Variants in WDR19 observed in about 807,000 individuals in gnomAD.
The protein encoded by WDR19 is WD repeat-containing protein 19.
Under a neutral mutation model 180.0 loss-of-function variants are expected in WDR19, and 121 were observed. That is an observed-to-expected ratio of 0.67 (90% CI 0.58 to 0.78). The LOEUF (loss-of-function observed/expected upper bound fraction) is 0.78, where lower values mean the gene tolerates loss of function less well. Among genes scored for constraint, WDR19 ranks in the 30% least tolerant of loss-of-function variants. The probability of loss-of-function intolerance (pLI) is 0.00; values close to 1 mark genes in which losing one functional copy is unlikely to be tolerated. For synonymous variants in WDR19, 497 were observed against 540.7 expected, an observed-to-expected ratio of 0.92 and a Z score of 1.12; for missense variants, 1,450 against 1,640.7, an observed-to-expected ratio of 0.88 and a Z score of 2.01.
Position 39,185,726 on chromosome 4 carries a change from CG to C in WDR19, c.8del (p.Arg3LeufsTer6). MK[R>X]IFSLLEKTWL... ...ATTAAAAATTGTGTTTATTTTTTAG[CG>C]TATTTTCTCACTGCTAGAAAAGACT... On this transcript the variant is annotated frameshift_variant and splice_region_variant, in exon 2 of 37. Transcript: ENST00000399820. LOFTEE classifies it high-confidence loss of function. The C allele has an allele frequency of 6.4e-7, 1 of 1,552,930 alleles. No homozygotes were observed. Among genetic ancestry groups the C allele is most frequent in the Non-Finnish European group, 8.7e-7 (1 of 1,147,484 alleles).
At chr4:39,212,983 A>T (rs1358031248) in intron 9 of WDR19, among the ~76,000 whole-genome samples, 1 of 152,242 alleles carries the variant, frequency 6.6e-6, no homozygotes, top group Non-Finnish European at 1.5e-5. Context: ...ACATGAAAAG[A>T]TACTCAACAT....
chr4:39,268,071 C>A lies in WDR19; in HGVS notation c.3338C>A (p.Ala1113Asp). 6.3e-7 allele frequency: 1 copy of A among 1,595,164 alleles called. No individual in the cohort carries two copies. The highest frequency in any genetic ancestry group is 8.5e-7 in the Non-Finnish European group (1 of 1,170,250). ...REAAQTAIII[A>D]REEQSAGNYR... ...GCTGCCCAGACTGCCATCATCATTG[C>A]CAGAGAAGAGCAGTCTGCAGGTAGG... The change falls in exon 30 of 37, where the codon GCC (alanine) becomes GAC (aspartate). Residue 1113 changes from alanine to aspartate, a missense_variant. Physicochemically the swap from Ala to Asp is moderately radical, Grantham distance 126. Transcript: ENST00000399820.
chr4:39,205,840 T>G, intron 9 of WDR19, 104 bp downstream of exon 9: 1 of 1,114,372 alleles, frequency 9.0e-7, no homozygotes, highest in South Asian at 1.9e-5. Context: ...ATGTTTACAA[T>G]TTAAAACGTC....
intron 20 of WDR19, among the ~76,000 whole-genome samples, chr4:39,235,574 G>A (rs1170653665): frequency 6.6e-6 from 1 of 151,998 alleles, no homozygotes; most frequent in Admixed American, 6.6e-5. Flanking sequence ...AAAACACCAA[G>A]GTTTCATCTA....
intron 28 of WDR19, 103 bp from the exon 29 acceptor site, chr4:39,265,960 A>T (rs1441076697): frequency 1.1e-6 from 1 of 941,562 alleles, no homozygotes; most frequent in East Asian, 2.7e-5. Context: ...AGATACTATT[A>T]ATGTTTTTTA....
rs1731209125 is a variant in WDR19, at chr4:39,234,752, T to G, written c.2254-14T>G. ...TTTGCTCATTTGAAATTAAGGTCTT[T>G]CTCTTCTTAACAGATGAGAAGGGAT... is the stretch of plus-strand genomic sequence containing the variant. On this transcript the variant is annotated splice_polypyrimidine_tract_variant and intron_variant, in intron 19 of 36. Transcript: ENST00000399820. 6.5e-7 allele frequency: 1 copy of G among 1,547,544 alleles called. No homozygotes were observed. The highest frequency in any genetic ancestry group is 8.8e-7 in the Non-Finnish European group (1 of 1,139,070).
In WDR19 at chr4:39,278,132, G is replaced by A; in HGVS notation, c.3842G>A (p.Gly1281Asp). Residue 1281 changes from glycine (G) to aspartate (D), a missense_variant and splice_region_variant, in exon 35 of 37, where the codon GGT becomes GAT. Transcript: ENST00000399820. ...AACTCTTAAACATCCTGTTTCCAGGGTCGACACATGTTGAAAGATGACTGG... is the reference window on the plus strand; with the variant it reads ...AACTCTTAAACATCCTGTTTCCAGGATCGACACATGTTGAAAGATGACTGG... ...KNSIPYCIAT[G>D]RHMLKDDWTV... 1.2e-6 allele frequency: 2 copies of A among 1,601,148 alleles called. No individual in the cohort carries two copies. The highest frequency in any genetic ancestry group is 1.7e-6 in the Non-Finnish European group (2 of 1,173,428).
chr4:39,274,433 A>G, intron 32 of WDR19: 1 of 172,282 alleles, frequency 5.8e-6, no homozygotes, highest in East Asian at 1.5e-4. Context: ...TGAAGAAAGA[A>G]TTTGATGCCT....
intron 9 of WDR19, among the ~76,000 whole-genome samples, chr4:39,210,463 A>G (rs1728374174): frequency 6.6e-6 from 1 of 152,216 alleles, no homozygotes; most frequent in Non-Finnish European, 1.5e-5. Flanking sequence ...CAGGAGGATC[A>G]CCTGAAGCTA....
intron 5 of WDR19, among the ~76,000 whole-genome samples, chr4:39,195,753 G>T (rs934747326): frequency 6.6e-6 from 1 of 152,172 alleles, no homozygotes; most frequent in Non-Finnish European, 1.5e-5. Flanking sequence ...GGAGATCATG[G>T]CACCCACAGA....
intron 25 of WDR19, among the ~76,000 whole-genome samples, 184 bp downstream of exon 25, chr4:39,253,476 G>A (rs1375486365): frequency 6.6e-6 from 1 of 152,052 alleles, no homozygotes; most frequent in Non-Finnish European, 1.5e-5. Context: ...TCAAGTGTAA[G>A]CATATAATAT....
At chr4:39,209,384 A>G (rs1256840843) in intron 9 of WDR19, among the ~76,000 whole-genome samples, 1 of 152,214 alleles carries the variant, frequency 6.6e-6, no homozygotes, top group Non-Finnish European at 1.5e-5. Flanking sequence ...TTAGGGGGAA[A>G]AAGGGCCTCA....
intron 12 of WDR19, 67 bp downstream of exon 12, chr4:39,216,277 G>T: frequency 7.6e-7 from 1 of 1,308,420 alleles, no homozygotes; most frequent in South Asian, 1.5e-5. Context: ...GGGAAGCACT[G>T]CAAGTTTCTT....
intron 14 of WDR19, chr4:39,218,684 A>AT (rs1729343895): frequency 6.6e-6 from 1 of 151,982 alleles, no homozygotes; most frequent in Admixed American, 6.6e-5. Flanking sequence ...TTATTTAAAC[A>AT]TTTTTTCTTC....
intron 24 of WDR19, among the ~76,000 whole-genome samples, chr4:39,248,668 A>C (rs1732797276): frequency 6.6e-6 from 1 of 152,132 alleles, no homozygotes; most frequent in Admixed American, 6.6e-5. Flanking sequence ...ATCTACCAAG[A>C]AAATGGAAAA....
intron 36 of WDR19, among the ~76,000 whole-genome samples, chr4:39,281,992 T>C (rs1386387494): frequency 6.6e-6 from 1 of 152,182 alleles, no homozygotes; most frequent in African/African-American, 2.4e-5. Flanking sequence ...GCATCTCTCA[T>C]ATTTACAATC....
chr4:39,269,995 C>T lies in WDR19; in HGVS notation c.3378C>T (p.His1126=), dbSNP rs762384397. ...TTCAAGGCAACTACCGGAATGCACA[C>T]GATGTTCTCTTCAGTATGTATGCAG... is the stretch of plus-strand genomic sequence containing the variant. ...EQSAGNYRNA[H]DVLFSMYAEL... is the part of the protein sequence containing the mutation. The change falls in exon 31 of 37, where the codon CAC becomes CAT. Residue 1126 remains histidine (H), a synonymous_variant. Coordinates refer to ENST00000399820, the MANE Select transcript of WDR19 (RefSeq NM_025132.4). The T allele has an allele frequency of 1.1e-5, 18 of 1,613,572 alleles. No individual in the cohort carries two copies. Among genetic ancestry groups the T allele is most frequent in the African/African-American group, 1.1e-4 (8 of 74,874 alleles).
At chr4:39,191,213 G>C (rs1049168432) in intron 4 of WDR19, among the ~76,000 whole-genome samples, 2 of 152,268 alleles carry the variant, frequency 1.3e-5, no homozygotes, top group South Asian at 2.1e-4. Flanking sequence ...CATACCCACT[G>C]TTTGTTCTTT....
chr4:39,183,049 T>C (rs1459950750), intron 1 of WDR19, among the ~76,000 whole-genome samples: 4 of 152,022 alleles, frequency 2.6e-5, no homozygotes, highest in South Asian at 4.2e-4. Flanking sequence ...AACTTCAAAA[T>C]GTATTACCTG....
Sources: allele counts gnomAD v4.1 joint callset (sites outside exome capture counted in the v4.1 genomes callset), GRCh38; gene constraint gnomAD v4.1.1; transcripts MANE v1.5; gene names NCBI Gene and HGNC (gene_info 2026-07-23, HGNC 2026-07-21).